R3HDML: variants seen among roughly 807,000 people sequenced by gnomAD.
R3HDML encodes peptidase inhibitor R3HDML.
In R3HDML, 21 loss-of-function variants were observed where a neutral mutation model predicts 24.2. That is an observed-to-expected ratio of 0.87 (90% CI 0.62 to 1.25). The LOEUF (loss-of-function observed/expected upper bound fraction) is 1.25, where lower values mean the gene tolerates loss of function less well. Among genes scored for constraint, R3HDML ranks in the 50% most tolerant of loss-of-function variants. R3HDML has a pLI of 0.00. For synonymous variants in R3HDML, 133 were observed against 131.5 expected (o/e 1.01, Z -0.08); for missense variants, 301 against 340.3 (o/e 0.88, Z 0.91).
intron 4 of R3HDML, 85 bp from the exon 5 acceptor site, chr20:44,350,575 C>A: frequency 1.5e-6 from 2 of 1,376,834 alleles, no homozygotes; most frequent in South Asian, 1.6e-5. Flanking sequence ...CAGGGCTGGT[C>A]AGTGGCAGCG....
intron 2 of R3HDML, 73 bp downstream of exon 2, chr20:44,341,387 T>C: frequency 8.2e-7 from 1 of 1,222,654 alleles, no homozygotes; most frequent in Non-Finnish European, 1.2e-6. Flanking sequence ...CTGTACCAGG[T>C]GCTGCACTTG....
Position 44,350,715 on chromosome 20 carries a change from C to A in R3HDML, c.685C>A (p.Pro229Thr). 1 of 1,613,882 alleles carries A rather than the reference C, an allele frequency of 6.2e-7. No individual in the cohort carries two copies. Among genetic ancestry groups the A allele is most frequent in the African/African-American group, 1.3e-5 (1 of 74,994 alleles). ...YKMGKPCSSC[P>T]PSYQGSCNSN... is the part of the protein sequence containing the mutation. ...GATGGGAAAGCCGTGCTCCTCCTGT[C>A]CCCCCAGTTATCAAGGCAGCTGCAA... Residue 229 changes from proline (P) to threonine (T), a missense_variant, in exon 5 of 5, where the codon CCC becomes ACC. Pro to Thr is a conservative substitution (Grantham distance 38). Transcript: ENST00000217043.
intron 3 of R3HDML, among the ~76,000 whole-genome samples, chr20:44,344,276 G>T (rs138019245): frequency 1.4e-5 from 2 of 146,596 alleles, no homozygotes; most frequent in Non-Finnish European, 1.5e-5. Flanking sequence ...ACGAGACTCC[G>T]TCTCAAAAAA....
intron 1 of R3HDML, among the ~76,000 whole-genome samples, chr20:44,339,933 C>T (rs2062767785): frequency 6.6e-6 from 1 of 151,994 alleles, no homozygotes; most frequent in East Asian, 1.9e-4. Context: ...TACACACCAC[C>T]ATGCCTGACT....
intron 4 of R3HDML, among the ~76,000 whole-genome samples, chr20:44,348,493 TCC>T (rs2062796755): frequency 1.6e-5 from 1 of 63,526 alleles, no homozygotes; most frequent in African/African-American, 6.1e-5. Flanking sequence ...TCCTTTCCTT[TCC>T]TTTCCTTTCC....
chr20:44,349,934 G>A (rs1264745305), intron 4 of R3HDML, among the ~76,000 whole-genome samples: 2 of 152,164 alleles, frequency 1.3e-5, no homozygotes, highest in African/African-American at 4.8e-5. Context: ...GCCAGGTGTG[G>A]TGGCACATGC....
intron 3 of R3HDML, among the ~76,000 whole-genome samples, chr20:44,344,066 GAT>G (rs2062779439): frequency 6.6e-6 from 1 of 152,128 alleles, no homozygotes; most frequent in Admixed American, 6.5e-5. Flanking sequence ...TGGATCACGA[GAT>G]CAGGAGATCA....
rs999191508 is a variant in R3HDML, at chr20:44,337,862, G to A, written c.261+444G>A. Reference sequence around the variant, plus strand: ...TCCCCACACTGGGGACCTGCATGGGGTGCGTGGCTGGTGCTTTCTATGCTA... The same window carrying A: ...TCCCCACACTGGGGACCTGCATGGGATGCGTGGCTGGTGCTTTCTATGCTA... On this transcript the variant is annotated intron_variant, in intron 1 of 4. Coordinates refer to ENST00000217043, the MANE Select transcript of R3HDML (RefSeq NM_178491.4). The surrounding 1 kb of genome is among the most constrained non-coding windows in gnomAD (Gnocchi z 4.7). 6.6e-6 allele frequency among the ~76,000 whole-genome samples: 1 copy of A among 152,152 alleles called. No individual in the cohort carries two copies. Among genetic ancestry groups the A allele is most frequent in the Non-Finnish European group, 1.5e-5 (1 of 68,020 alleles).
At position 44,338,959 on chromosome 20, in the gene R3HDML, G is replaced by A. The variant is rs567042919; in HGVS notation, c.261+1541G>A. On this transcript the variant is annotated intron_variant, in intron 1 of 4. Coordinates refer to ENST00000217043, the MANE Select transcript of R3HDML (RefSeq NM_178491.4). ...TGGTGATGAGCGCCTGTAATCCCAA[G>A]CTACTTGAGAGGTGGAGGCAGGAGA... 1.5e-4 allele frequency among the ~76,000 whole-genome samples: 23 copies of A among 151,530 alleles called. 1 individual carries two copies. The South Asian group carries it at 4.8e-3, about 32-fold the overall frequency.
chr20:44,338,793 C>T (rs542867972), intron 1 of R3HDML, among the ~76,000 whole-genome samples: 1 of 152,208 alleles, frequency 6.6e-6, no homozygotes, highest in South Asian at 2.1e-4. Context: ...GCCAGAGAGC[C>T]GGGCGCAGTG....
chr20:44,339,597 G>GTC (rs2062766748), intron 1 of R3HDML, among the ~76,000 whole-genome samples: 1 of 151,446 alleles, frequency 6.6e-6, no homozygotes, highest in Admixed American at 6.6e-5. Flanking sequence ...GTGTGTGTGT[G>GTC]TGTGTGTGTC....
At chr20:44,343,541 G>A (rs2062777955) in intron 3 of R3HDML, 32 bp downstream of exon 3, 6 of 1,556,822 alleles carry the variant, frequency 3.9e-6, no homozygotes, top group Middle Eastern at 1.7e-4. Flanking sequence ...GGGCCCCTGG[G>A]ATAACACATC....
rs1011468713 is a variant in R3HDML at position 44,337,327 on chromosome 20, A to G, written c.170A>G (p.His57Arg). The change falls in exon 1 of 5, where the codon CAC becomes CGC. Residue 57 changes from histidine to arginine, a missense_variant. His to Arg is a conservative substitution (Grantham distance 29). Transcript: ENST00000217043. The surrounding 1 kb of genome is among the most constrained non-coding windows in gnomAD (Gnocchi z 4.7). The part of the protein sequence containing the change: ...LEVPRYRRKR[H>R]ISVRDMNALL... ...GTGCCCAGGTACCGCCGGAAGCGCC[A>G]CATCTCTGTGAGAGACATGAATGCC... The G allele has an allele frequency of 4.3e-6, 7 of 1,614,218 alleles. No individual in the cohort carries two copies. Among genetic ancestry groups the G allele is most frequent in the Non-Finnish European group, 5.9e-6 (7 of 1,180,052 alleles).
chr20:44,337,960 A>G lies in R3HDML; in HGVS notation c.261+542A>G, dbSNP rs1427408292. Among the ~76,000 whole-genome samples the G allele has an allele frequency of 6.6e-6, 1 of 152,176 alleles. No homozygotes were observed. The highest frequency in any genetic ancestry group is 1.5e-5 in the Non-Finnish European group (1 of 68,018). ...CACAAGCCCCTGGAGGCAGGCTTGG[A>G]GCAGTGGGGACAGGTACTGGGGAAT... is the stretch of plus-strand genomic sequence containing the variant. On this transcript the variant is annotated intron_variant, in intron 1 of 4. Transcript: ENST00000217043. The surrounding 1 kb of genome is among the most constrained non-coding windows in gnomAD (Gnocchi z 4.7).
chr20:44,338,230 G>A (rs975383275), intron 1 of R3HDML, among the ~76,000 whole-genome samples: 10 of 152,072 alleles, frequency 6.6e-5, no homozygotes, highest in Non-Finnish European at 2.9e-5. Context: ...ACCAACACAT[G>A]CCACTCGATA....
At chr20:44,345,138 A>C in intron 3 of R3HDML, 125 bp from the exon 4 acceptor site, 1 of 758,150 alleles carries the variant, frequency 1.3e-6, no homozygotes, top group South Asian at 1.5e-5. Context: ...TTCCTCCCCC[A>C]ACACCTTGGA....
chr20:44,350,038 C>T (rs1413439582), intron 4 of R3HDML, among the ~76,000 whole-genome samples: 3 of 152,008 alleles, frequency 2.0e-5, no homozygotes, highest in Non-Finnish European at 4.4e-5. Flanking sequence ...CCATTGCATT[C>T]CAGACTGGGT....
At chr20:44,344,971 CATG>C (rs1174037277) in intron 3 of R3HDML, 3 of 415,204 alleles carry the variant, frequency 7.2e-6, no homozygotes, top group South Asian at 2.8e-5. Flanking sequence ...CACATGATAA[CATG>C]ATAAGGCTAG....
chr20:44,341,225 C>T lies in R3HDML; in HGVS notation c.291C>T (p.Ala97=), dbSNP rs375586721. 14 of 1,613,716 alleles carry T rather than the reference C, an allele frequency of 8.7e-6. No individual in the cohort carries two copies. Among genetic ancestry groups the T allele is most frequent in the African/African-American group, 5.3e-5 (4 of 74,946 alleles). Residue 97 remains alanine, a synonymous_variant, in exon 2 of 5, where the codon GCC becomes GCT. Transcript: ENST00000217043. ...MVWDKRLARA[A]EAWATQCIWA... is the part of the protein sequence containing the mutation. ...GGGACAAGCGGCTGGCCAGGGCTGCCGAAGCCTGGGCCACCCAGTGCATCT... is the reference window on the plus strand; with the variant it reads ...GGGACAAGCGGCTGGCCAGGGCTGCTGAAGCCTGGGCCACCCAGTGCATCT...
Sources: allele counts gnomAD v4.1 joint callset (sites outside exome capture counted in the v4.1 genomes callset), GRCh38; gene constraint gnomAD v4.1.1; non-coding constraint Gnocchi (gnomAD v3.1); transcripts MANE v1.5; gene names NCBI Gene and HGNC (gene_info 2026-07-23, HGNC 2026-07-21).